TFAP2B: variants seen among roughly 807,000 people sequenced by gnomAD.
TFAP2B encodes the protein transcription factor AP-2-beta.
A neutral mutation model predicts 44.3 loss-of-function variants in TFAP2B; 9 were observed. The ratio of observed to expected loss-of-function variants is 0.20; its 90% CI spans 0.12 to 0.35. TFAP2B has a LOEUF of 0.35. Ranked by LOEUF, TFAP2B falls within the 10% of genes least tolerant of loss-of-function variation. The probability of loss-of-function intolerance (pLI) is 1.00; values close to 1 mark genes in which losing one functional copy is unlikely to be tolerated. For synonymous variants in TFAP2B, 270 were observed against 263.8 expected (o/e 1.02, Z -0.23); for missense variants, 509 against 600.0 (o/e 0.85, Z 1.59).
intron 1 of TFAP2B, among the ~76,000 whole-genome samples, chr6:50,822,423 G>A (rs1230062996): frequency 6.6e-6 from 1 of 152,168 alleles, no homozygotes; most frequent in African/African-American, 2.4e-5. Context: ...TGCCATTGCT[G>A]TTTGGAAATT....
chr6:50,846,521 A>T lies in TFAP2B; in HGVS notation c.*3129A>T, dbSNP rs1762854154. ...GGTCCCTGCCCACTCCTAAACGCTC[A>T]GTCCCAAAACAAAATAGCGAAAGAC... On this transcript the variant is annotated 3_prime_UTR_variant, in exon 7 of 7. Transcript: ENST00000393655. 6.6e-6 allele frequency: 1 copy of T among 152,534 alleles called. No homozygotes were observed. Among genetic ancestry groups the T allele is most frequent in the Non-Finnish European group, 1.5e-5 (1 of 68,090 alleles). 9.4% of individuals were successfully genotyped at this position (152,534 alleles called of 1,614,324 possible).
chr6:50,825,457 G>A (rs897845254), intron 2 of TFAP2B, among the ~76,000 whole-genome samples: 1 of 152,062 alleles, frequency 6.6e-6, no homozygotes, highest in Admixed American at 6.5e-5. Context: ...CACCCTACAG[G>A]CCAAGTGACT....
intron 5 of TFAP2B, among the ~76,000 whole-genome samples, chr6:50,839,889 G>T (rs1180521610): frequency 1.3e-5 from 2 of 152,204 alleles, no homozygotes; most frequent in East Asian, 1.9e-4. Flanking sequence ...AGATTAGGGT[G>T]TAGGAGACCC....
chr6:50,840,986 C>CG (rs1476126510), intron 6 of TFAP2B, among the ~76,000 whole-genome samples: 2 of 152,220 alleles, frequency 1.3e-5, no homozygotes, highest in Admixed American at 6.5e-5. Context: ...CAAACAGCCG[C>CG]GCTCATTTAT....
chr6:50,832,950 G>A (rs1231485990), intron 3 of TFAP2B, among the ~76,000 whole-genome samples: 1 of 152,148 alleles, frequency 6.6e-6, no homozygotes, highest in Admixed American at 6.5e-5. Flanking sequence ...AGCAAAAAAG[G>A]GAGGGGAATG....
At chr6:50,821,523 C>G (rs76904977) in intron 1 of TFAP2B, among the ~76,000 whole-genome samples, 1 of 152,300 alleles carries the variant, frequency 6.6e-6, no homozygotes, top group African/African-American at 2.4e-5. Flanking sequence ...CACTGTTCTC[C>G]CTCACTGCCT....
intron 1 of TFAP2B, among the ~76,000 whole-genome samples, chr6:50,820,938 G>A (rs1770325582): frequency 6.6e-6 from 1 of 151,246 alleles, no homozygotes; most frequent in Non-Finnish European, 1.5e-5. Context: ...AAGAGGGGAG[G>A]GAGAGAGAGA....
rs1169389185 is a variant in TFAP2B, at chr6:50,823,838, C to T, written c.513C>T (p.Leu171=). ...GTGACAGCCTCTCGCTGCACGGCCT[C>T]GGCCATCCCGGAATGGAAGACGTCC... ...GMGDSLSLHG[L]GHPGMEDVQS... The change falls in exon 2 of 7, where the codon CTC becomes CTT. Residue 171 remains leucine, a synonymous_variant. Coordinates refer to ENST00000393655, the MANE Select transcript of TFAP2B (RefSeq NM_003221.4). The T allele has an allele frequency of 1.9e-6, 3 of 1,560,242 alleles. No individual in the cohort carries two copies. The highest frequency in any genetic ancestry group is 1.4e-5 in the African/African-American group (1 of 73,486).
chr6:50,825,045 A>T (rs533543641), intron 2 of TFAP2B, among the ~76,000 whole-genome samples: 5 of 152,220 alleles, frequency 3.3e-5, no homozygotes, highest in Non-Finnish European at 5.9e-5. Flanking sequence ...CTGAAAAAAA[A>T]TAGTTTTAAA....
Position 50,836,133 on chromosome 6 carries a change from A to G in TFAP2B, c.674A>G (p.Asn225Ser). The G allele has an allele frequency of 1.2e-6, 2 of 1,614,146 alleles. No individual in the cohort carries two copies. Among genetic ancestry groups the G allele is most frequent in the Non-Finnish European group, 1.7e-6 (2 of 1,180,028 alleles). Residue 225 changes from asparagine to serine, a missense_variant, in exon 4 of 7, where the codon AAC (asparagine) becomes AGC (serine). Asn to Ser is a conservative substitution (Grantham distance 46). Coordinates refer to ENST00000393655, the MANE Select transcript of TFAP2B (RefSeq NM_003221.4). ...KDGFLGGMSV[N>S]TGEVFCSVPG... ...GGCTTCCTGGGAGGCATGTCTGTCA[A>G]CACCGGCGAGGTGTTTTGCTCCGTC...
rs1367066136 is a variant in TFAP2B at position 50,830,323 on chromosome 6, T to C, written c.601+1644T>C. ...CAGTCCAATAAAAATATTTGTAACTTAGCTTGCCTAGCAAAACAGAGCTGA... is the reference window on the plus strand; with the variant it reads ...CAGTCCAATAAAAATATTTGTAACTCAGCTTGCCTAGCAAAACAGAGCTGA... On this transcript the variant is annotated intron_variant, in intron 3 of 6. Transcript: ENST00000393655. 1.2e-5 allele frequency: 12 copies of C among 984,284 alleles called. No individual in the cohort carries two copies. In the Admixed American group the frequency reaches 7.4e-4, roughly 61 times the overall value. 61.0% of individuals were successfully genotyped at this position (984,284 alleles called of 1,614,324 possible).
chr6:50,833,291 A>G (rs151023190), intron 3 of TFAP2B, among the ~76,000 whole-genome samples: 3 of 152,334 alleles, frequency 2.0e-5, no homozygotes, highest in African/African-American at 7.2e-5. Flanking sequence ...AATCAGGTGA[A>G]CTAAGCAGGT....
intron 2 of TFAP2B, 28 bp downstream of exon 2, chr6:50,823,893 C>A (rs184509474): frequency 7.9e-7 from 1 of 1,260,480 alleles, no homozygotes; most frequent in Non-Finnish European, 1.1e-6. Flanking sequence ...AACAAACAAA[C>A]AAAAAAGACC....
In TFAP2B at chr6:50,843,168, C is replaced by A; in HGVS notation, c.1159C>A (p.Leu387Met). Residue 387 changes from leucine (L) to methionine (M), a missense_variant, in exon 7 of 7, where the codon CTG (leucine) becomes ATG (methionine). Leu to Met is a conservative substitution (Grantham distance 15, BLOSUM62 2). Around this residue, in one of 3 missense-constraint regions of TFAP2B, gnomAD observed 168 missense variants for 183.2 expected, o/e 0.92. Transcript: ENST00000393655. ...AGGGAACAGCCGACCCAGCCCCATC[C>A]TGGAGCCGGGGATCCAGAGCTGCCT... ...PIGNSRPSPI[L>M]EPGIQSCLTH... 1 of 1,614,272 alleles carries A rather than the reference C, an allele frequency of 6.2e-7. No homozygotes were observed. Among genetic ancestry groups the A allele is most frequent in the Non-Finnish European group, 8.5e-7 (1 of 1,180,056 alleles).
In TFAP2B at chr6:50,843,250, T is replaced by A; in HGVS notation, c.1241T>A (p.Leu414His). The part of the protein sequence containing the change: ...GFGAPAICAA[L>H]TALQNYLTEA... ...GGCGCCCCGGCCATTTGCGCCGCGCTCACGGCCCTGCAGAACTATCTCACC... is the reference window on the plus strand; with the variant it reads ...GGCGCCCCGGCCATTTGCGCCGCGCACACGGCCCTGCAGAACTATCTCACC... Residue 414 changes from leucine to histidine, a missense_variant, in exon 7 of 7, where the codon CTC becomes CAC. Physicochemically the swap from Leu to His is moderately conservative, Grantham distance 99. Transcript: ENST00000393655. The A allele has an allele frequency of 6.2e-7, 1 of 1,614,172 alleles. No homozygotes were observed. Among genetic ancestry groups the A allele is most frequent in the Non-Finnish European group, 8.5e-7 (1 of 1,180,046 alleles).
At chr6:50,841,437 G>GT (rs1249040265) in intron 6 of TFAP2B, among the ~76,000 whole-genome samples, 3 of 146,002 alleles carry the variant, frequency 2.1e-5, no homozygotes, top group Non-Finnish European at 3.1e-5. Flanking sequence ...CGGGGTGTGT[G>GT]TGTGGGGGGG....
chr6:50,835,828 C>T (rs567513343), intron 3 of TFAP2B, among the ~76,000 whole-genome samples: 1 of 152,314 alleles, frequency 6.6e-6, no homozygotes, highest in Admixed American at 6.5e-5. Context: ...AGGACTGTAG[C>T]AAATGACACT....
At chr6:50,839,920 C>A (rs1403146633) in intron 5 of TFAP2B, among the ~76,000 whole-genome samples, 1 of 152,156 alleles carries the variant, frequency 6.6e-6, no homozygotes, top group Non-Finnish European at 1.5e-5. Context: ...CAGGGGATGT[C>A]TAGCTAGGAG....
At chr6:50,828,081 G>A (rs891338415) in intron 2 of TFAP2B, among the ~76,000 whole-genome samples, 3 of 152,208 alleles carry the variant, frequency 2.0e-5, no homozygotes, top group Non-Finnish European at 4.4e-5. Flanking sequence ...TTACAGGAAC[G>A]TGTATGGGCT....
Sources: gnomAD v4.1 joint callset for allele counts (sites outside exome capture counted in the v4.1 genomes callset) on GRCh38, gnomAD v4.1.1 for gene constraint, gnomAD v4.1.1 regional missense constraint, MANE v1.5 for transcripts, NCBI Gene and HGNC (gene_info 2026-07-23, HGNC 2026-07-21) for gene names.